NMI: variants seen among roughly 807,000 people sequenced by gnomAD.
NMI encodes the protein N-myc-interactor.
A neutral mutation model predicts 34.3 loss-of-function variants in NMI; 39 were observed. The ratio of observed to expected loss-of-function variants is 1.14; its 90% CI spans 0.88 to 1.49. NMI has a LOEUF of 1.49. Among genes scored for constraint, NMI ranks in the 40% most tolerant of loss-of-function variants. The pLI is 0.00. For missense variants in NMI, 339 were observed against 358.1 expected, an observed-to-expected ratio of 0.95 and a Z score of 0.43; for synonymous variants, 113 against 120.3, an observed-to-expected ratio of 0.94 and a Z score of 0.40.
Position 151,278,920 on chromosome 2 carries a change from A to AG in NMI, c.247_248insC (p.Leu83SerfsTer17). On this transcript the variant is annotated frameshift_variant, in exon 4 of 8. Coordinates refer to ENST00000243346, the MANE Select transcript of NMI (RefSeq NM_004688.3). LOFTEE classifies it high-confidence loss of function. Reference sequence around the variant, plus strand: ...TTGAAACGAACAGGAGATATTTGACAACTGGCTGTCATTCTCAGGAGTTTC... The same window carrying AG: ...TTGAAACGAACAGGAGATATTTGACAGACTGGCTGTCATTCTCAGGAGTTTC... 1 of 1,612,478 alleles carries AG rather than the reference A, an allele frequency of 6.2e-7. No individual in the cohort carries two copies. The highest frequency in any genetic ancestry group is 8.5e-7 in the Non-Finnish European group (1 of 1,178,668).
intron 1 of NMI, among the ~76,000 whole-genome samples, chr2:151,283,883 G>A (rs1374160726): frequency 6.6e-6 from 1 of 152,208 alleles, no homozygotes; most frequent in Non-Finnish European, 1.5e-5. Context: ...GTCACCAATA[G>A]AAAGCACAGA....
In NMI at chr2:151,275,658, C is replaced by A. The variant is rs747437623; in HGVS notation, c.460G>T (p.Val154Phe). ...GTAACATTGATTTTCATTTTAGAAA[C>A]TTCTACATAAACCTGGAAAATGATT... ...SGVRFQVYVE[V>F]SKMKINVTEI... The change falls in exon 6 of 8, where the codon GTT becomes TTT. Residue 154 changes from valine to phenylalanine, a missense_variant. Transcript: ENST00000243346. 1 of 1,614,002 alleles carries A rather than the reference C, an allele frequency of 6.2e-7. No individual in the cohort carries two copies. Among genetic ancestry groups the A allele is most frequent in the Non-Finnish European group, 8.5e-7 (1 of 1,179,870 alleles).
rs750155079 is a variant in NMI at position 151,282,853 on chromosome 2, T to C, written c.81+15A>G. On this transcript the variant is annotated intron_variant, in intron 2 of 7. Coordinates refer to ENST00000243346, the MANE Select transcript of NMI (RefSeq NM_004688.3). ...TAAAATAATTTTTAATAATACCCAG[T>C]AATTTCCTTTTTACCTTATTTTGTT... 7.7e-7 allele frequency: 1 copy of C among 1,303,512 alleles called. No homozygotes were observed. The highest frequency in any genetic ancestry group is 1.1e-6 in the Non-Finnish European group (1 of 932,844). 80.7% of individuals were successfully genotyped at this position (1,303,512 alleles called of 1,614,324 possible). A position where few individuals can be genotyped will look rare whatever the true frequency, so the allele number is the denominator to read the frequency against.
intron 4 of NMI, 114 bp from the exon 5 acceptor site, chr2:151,275,978 G>T (rs1683288343): frequency 4.2e-6 from 3 of 720,610 alleles, no homozygotes; most frequent in African/African-American, 1.8e-5. Flanking sequence ...ATATTAAAGG[G>T]TCTAATTTTA....
intron 6 of NMI, among the ~76,000 whole-genome samples, chr2:151,272,143 T>A (rs919334115): frequency 4.6e-5 from 7 of 150,772 alleles, no homozygotes; most frequent in African/African-American, 1.7e-4. Flanking sequence ...TTTTTTTCAA[T>A]ATATTCAATA....
intron 1 of NMI, among the ~76,000 whole-genome samples, chr2:151,286,907 T>C (rs1220901501): frequency 6.6e-6 from 1 of 152,234 alleles, no homozygotes; most frequent in Non-Finnish European, 1.5e-5. Context: ...TTTTCCCCTG[T>C]GCACATTAAT....
Position 151,275,478 on chromosome 2 carries a change from G to A in NMI, c.634+6C>T. 1 of 1,612,388 alleles carries A rather than the reference G, an allele frequency of 6.2e-7. No individual in the cohort carries two copies. Among genetic ancestry groups the A allele is most frequent in the Non-Finnish European group, 8.5e-7 (1 of 1,179,226 alleles). ...GTGTCTGTTAACCTTCTACACCCTT[G>A]AGTACCTCCAATCTCCACAAACGTG... is the stretch of plus-strand genomic sequence containing the variant. On this transcript the variant is annotated splice_donor_region_variant and intron_variant, in intron 6 of 7. Transcript: ENST00000243346.
intron 1 of NMI, among the ~76,000 whole-genome samples, chr2:151,288,590 C>T (rs985822412): frequency 1.7e-4 from 25 of 148,186 alleles, no homozygotes; most frequent in African/African-American, 5.7e-4. Flanking sequence ...TGTGTGTGCG[C>T]GCGCGCGCGC....
Position 151,275,739 on chromosome 2 carries a change from A to G in NMI, c.447+19T>C. 2 of 1,610,602 alleles carry G rather than the reference A, an allele frequency of 1.2e-6. No homozygotes were observed. The highest frequency in any genetic ancestry group is 3.3e-5 in the Admixed American group (2 of 59,872). ...CTTGTGATGAACAGAAATCCAAAAA[A>G]TTTTAATCATCCTGTTACCTGGAAT... On this transcript the variant is annotated intron_variant, in intron 5 of 7. Transcript: ENST00000243346.
chr2:151,275,565 G>A lies in NMI; in HGVS notation c.553C>T (p.Arg185Ter), dbSNP rs367707415. 63 of 1,613,956 alleles carry A rather than the reference G, an allele frequency of 3.9e-5. No individual in the cohort carries two copies. Among genetic ancestry groups the A allele is most frequent in the Admixed American group, 2.8e-4 (17 of 59,982 alleles). ...DKLELSFSKS[R>*]NGGGEVDRVD... is the part of the protein sequence containing the mutation. ...CGGTCCACCTCTCCGCCTCCATTTC[G>A]GGACTTTGAAAAGCTCAGCTCTAGT... Residue 185 changes from arginine to a stop codon, truncating the protein, a stop_gained, in exon 6 of 8, where the codon CGA becomes TGA. Transcript: ENST00000243346. LOFTEE classifies it high-confidence loss of function.
In NMI at chr2:151,271,808, A is replaced by G. The variant is rs560508458; in HGVS notation, c.635-76T>C. On this transcript the variant is annotated intron_variant, in intron 6 of 7. Coordinates refer to ENST00000243346, the MANE Select transcript of NMI (RefSeq NM_004688.3). ...TTAACCAAAGTTAAAACTTCCTTCA[A>G]AGAGAACACTATTACAGTAAATATT... 2.6e-5 allele frequency: 19 copies of G among 731,940 alleles called. No homozygotes were observed. The Admixed American group carries it at 2.6e-4, about 10-fold the overall frequency. The allele number at this position is 731,940 out of a possible 1,614,324, so 45.3% of individuals were successfully genotyped here.
chr2:151,276,404 T>C (rs573363965), intron 4 of NMI, among the ~76,000 whole-genome samples: 30 of 152,282 alleles, frequency 2.0e-4, no homozygotes, highest in Admixed American at 1.6e-3. Flanking sequence ...AAAATCACAA[T>C]GTAGAAGTTC....
At chr2:151,288,393 T>C (rs1683547152) in intron 1 of NMI, among the ~76,000 whole-genome samples, 1 of 152,108 alleles carries the variant, frequency 6.6e-6, no homozygotes, top group South Asian at 2.1e-4. Context: ...GCCCTGAAGA[T>C]GGAGGAAGGG....
chr2:151,281,126 C>T, intron 3 of NMI, among the ~76,000 whole-genome samples: 1 of 152,258 alleles, frequency 6.6e-6, no homozygotes, highest in African/African-American at 2.4e-5. Flanking sequence ...GCATGAGCCA[C>T]CGCGCCCAGC....
chr2:151,285,189 C>T (rs1473001355), intron 1 of NMI, among the ~76,000 whole-genome samples: 1 of 152,094 alleles, frequency 6.6e-6, no homozygotes, highest in Non-Finnish European at 1.5e-5. Context: ...AAAGTACATA[C>T]ACAGAATTGA....
Position 151,270,533 on chromosome 2 carries a change from A to T in NMI, c.*160T>A. 1 of 629,502 alleles carries T rather than the reference A, an allele frequency of 1.6e-6. No homozygotes were observed. The allele number at this position is 629,502 out of a possible 1,614,324, so 39.0% of individuals were successfully genotyped here. On this transcript the variant is annotated 3_prime_UTR_variant, in exon 8 of 8. Transcript: ENST00000243346. ...TTGAAAACATGCAGCACCATTTGAA[A>T]CAAAGAAGATTCAGAAACATGGAAA... is the stretch of plus-strand genomic sequence containing the variant.
intron 4 of NMI, chr2:151,278,349 C>T (rs1395213054): frequency 6.5e-6 from 1 of 153,342 alleles, no homozygotes; most frequent in African/African-American, 2.4e-5. Flanking sequence ...TCTTCTCATT[C>T]GTTGGCTATG....
intron 1 of NMI, among the ~76,000 whole-genome samples, chr2:151,284,548 T>C (rs1393071064): frequency 2.0e-5 from 3 of 152,064 alleles, no homozygotes; most frequent in Admixed American, 6.5e-5. Context: ...TCCGCCCCCC[T>C]TGGACTCCCA....
chr2:151,279,556 A>C (rs1683351379), intron 3 of NMI, among the ~76,000 whole-genome samples: 1 of 150,254 alleles, frequency 6.7e-6, no homozygotes, highest in Non-Finnish European at 1.5e-5. Context: ...GGCTCACTGC[A>C]ACCTCCACCT....
Sources: allele counts gnomAD v4.1 joint callset (sites outside exome capture counted in the v4.1 genomes callset), GRCh38; gene constraint gnomAD v4.1.1; transcripts MANE v1.5; gene names NCBI Gene and HGNC (gene_info 2026-07-23, HGNC 2026-07-21).